EYS: variants seen among roughly 807,000 people sequenced by gnomAD.
The protein encoded by EYS is EGF-like photoreceptor maintenance factor.
A neutral mutation model predicts 282.1 loss-of-function variants in EYS; 250 were observed. The observed-to-expected ratio is 0.89, with a 90% confidence interval of 0.80 to 0.98. The LOEUF (loss-of-function observed/expected upper bound fraction) is 0.98, where lower values mean the gene tolerates loss of function less well. EYS is among the 50% of genes least tolerant of loss of function. EYS has a pLI of 0.00. For synonymous variants in EYS, 1,355 were observed against 1,282.9 expected (o/e 1.06, Z -1.20); for missense variants, 4,016 against 3,709.0 (o/e 1.08, Z -2.15).
chr6:63,950,986 C>T lies in EYS; in HGVS notation c.7055+33397G>A, dbSNP rs190633597. ...GGATGCCTGCTTGATTATTCACCGA[C>T]ATTTCAGAGGTGTCTGATCACCACG... On this transcript the variant is annotated intron_variant, in intron 35 of 42. Transcript: ENST00000503581. 1.2e-4 allele frequency among the ~76,000 whole-genome samples: 18 copies of T among 152,144 alleles called. No homozygotes were observed. In the East Asian group the frequency reaches 2.5e-3, roughly 21 times the overall value.
chr6:65,280,528 G>A (rs182194374), intron 12 of EYS, among the ~76,000 whole-genome samples: 2 of 152,096 alleles, frequency 1.3e-5, no homozygotes, highest in African/African-American at 4.8e-5. Context: ...AATTAATGCT[G>A]TATAATTTAT....
chr6:65,187,186 T>A (rs1205539645), intron 12 of EYS, among the ~76,000 whole-genome samples: 1 of 151,742 alleles, frequency 6.6e-6, no homozygotes, highest in Non-Finnish European at 1.5e-5. Context: ...AATATTCAAT[T>A]TACAAATAGA....
At chr6:63,795,576 A>G (rs1273049636) in intron 37 of EYS, among the ~76,000 whole-genome samples, 1 of 152,200 alleles carries the variant, frequency 6.6e-6, no homozygotes, top group Admixed American at 6.5e-5. Flanking sequence ...TCACAAGCCT[A>G]TAATTATAGT....
chr6:64,766,627 G>A (rs1470374791), intron 22 of EYS, among the ~76,000 whole-genome samples: 6 of 14,952 alleles, frequency 4.0e-4, no homozygotes, highest in Admixed American at 1.2e-3. Context: ...GTGAAACTCC[G>A]TCTCAAAAAA....
chr6:64,537,531 A>G (rs1490803592), intron 26 of EYS, among the ~76,000 whole-genome samples: 3 of 152,230 alleles, frequency 2.0e-5, no homozygotes, highest in African/African-American at 7.2e-5. Flanking sequence ...TGACAGTAAA[A>G]CATATATTTT....
intron 29 of EYS, among the ~76,000 whole-genome samples, chr6:64,319,391 A>C (rs1239910645): frequency 3.3e-5 from 5 of 152,012 alleles, no homozygotes; most frequent in Non-Finnish European, 7.4e-5. Context: ...CAATTGATTA[A>C]ATCAATGGTT....
intron 26 of EYS, among the ~76,000 whole-genome samples, chr6:64,457,346 A>G (rs935764758): frequency 3.3e-5 from 5 of 152,002 alleles, no homozygotes; most frequent in African/African-American, 7.2e-5. Context: ...CAGATGTTAA[A>G]TAAAATTTTC....
intron 12 of EYS, among the ~76,000 whole-genome samples, chr6:65,277,426 C>T (rs964963193): frequency 8.2e-5 from 7 of 84,976 alleles, no homozygotes; most frequent in Admixed American, 1.7e-4. Context: ...AGTGAGATTC[C>T]GTCAAAAAAA....
intron 30 of EYS, among the ~76,000 whole-genome samples, chr6:64,292,279 G>A (rs1313744918): frequency 6.6e-6 from 1 of 152,116 alleles, no homozygotes; most frequent in Non-Finnish European, 1.5e-5. Context: ...TTAAATCTCT[G>A]TAACAAGGAG....
intron 22 of EYS, among the ~76,000 whole-genome samples, chr6:64,769,968 TATATAA>T (rs1285090436): frequency 1.3e-5 from 2 of 152,026 alleles, no homozygotes; most frequent in Non-Finnish European, 2.9e-5. Flanking sequence ...GATGTAAATA[TATATAA>T]ATATAAATAT....
chr6:65,694,992 A>G (rs944158412), intron 1 of EYS, among the ~76,000 whole-genome samples: 4 of 152,054 alleles, frequency 2.6e-5, no homozygotes, highest in Admixed American at 6.6e-5. Flanking sequence ...AATGAAGGAG[A>G]ATTTGAGGTG....
intron 33 of EYS, among the ~76,000 whole-genome samples, chr6:64,054,350 T>C (rs554658909): frequency 6.7e-4 from 102 of 152,182 alleles, no homozygotes; most frequent in African/African-American, 2.4e-3. Flanking sequence ...AAACCCAGAA[T>C]ATTTAGGAAG....
chr6:65,348,501 T>C (rs1318606458), intron 9 of EYS, among the ~76,000 whole-genome samples: 1 of 151,800 alleles, frequency 6.6e-6, no homozygotes, highest in Non-Finnish European at 1.5e-5. Context: ...TATGCCTGTT[T>C]GCTATTTGCA....
chr6:63,869,247 A>G (rs1416180882), intron 35 of EYS, among the ~76,000 whole-genome samples: 1 of 152,210 alleles, frequency 6.6e-6, no homozygotes, highest in Non-Finnish European at 1.5e-5. Context: ...GAAAATCCAT[A>G]AACAATTAAA....
At chr6:65,100,566 G>C (rs1234715460) in intron 12 of EYS, among the ~76,000 whole-genome samples, 2 of 150,828 alleles carry the variant, frequency 1.3e-5, no homozygotes, top group African/African-American at 4.8e-5. Context: ...ACAAAATTAT[G>C]TTGCTGTCTA....
intron 12 of EYS, among the ~76,000 whole-genome samples, chr6:65,239,071 AT>A (rs1225234320): frequency 4.6e-5 from 7 of 152,018 alleles, no homozygotes; most frequent in Non-Finnish European, 5.9e-5. Context: ...TTGTCAGGTA[AT>A]CTCCATTTTA....
intron 33 of EYS, among the ~76,000 whole-genome samples, chr6:64,000,168 C>CTTTTTTTTTTTTTTT (rs71551553): frequency 2.3e-5 from 1 of 42,734 alleles, no homozygotes; most frequent in Non-Finnish European, 4.4e-5. Context: ...AGACATGGGA[C>CTTTTTTTTTTTTTTT]TTTTTTTTTT....
At chr6:64,076,396 C>T (rs554328198) in intron 32 of EYS, among the ~76,000 whole-genome samples, 4 of 151,868 alleles carry the variant, frequency 2.6e-5, no homozygotes, top group Non-Finnish European at 5.9e-5. Context: ...TAGAGAACTA[C>T]GAAACACAGT....
At chr6:64,202,102 T>C (rs967195941) in intron 31 of EYS, among the ~76,000 whole-genome samples, 3 of 152,008 alleles carry the variant, frequency 2.0e-5, no homozygotes, top group Non-Finnish European at 4.4e-5. Flanking sequence ...GAAGTAGCAA[T>C]GGTTATGGAT....
Sources: allele counts gnomAD v4.1 joint callset (sites outside exome capture counted in the v4.1 genomes callset), GRCh38; gene constraint gnomAD v4.1.1; transcripts MANE v1.5; gene names NCBI Gene and HGNC (gene_info 2026-07-23, HGNC 2026-07-21).